Variants in POLE4 observed in about 807,000 individuals in gnomAD.
The protein encoded by POLE4 is DNA polymerase epsilon subunit 4.
In POLE4, 15 loss-of-function variants were observed where a neutral mutation model predicts 15.6. The observed-to-expected ratio is 0.96, with a 90% confidence interval of 0.64 to 1.48. The LOEUF (loss-of-function observed/expected upper bound fraction) is 1.48, where lower values mean the gene tolerates loss of function less well. Among genes scored for constraint, POLE4 ranks in the 40% most tolerant of loss-of-function variants. POLE4 has a pLI of 0.00. For synonymous variants in POLE4, 83 were observed against 63.2 expected (o/e 1.31, Z -1.49); for missense variants, 205 against 151.9 (o/e 1.35, Z -1.84).
intron 1 of POLE4, 73 bp downstream of exon 1, chr2:74,958,965 G>T (rs984894301): frequency 4.3e-6 from 6 of 1,405,002 alleles, no homozygotes; most frequent in Non-Finnish European, 5.8e-6. Flanking sequence ...GGCCTCCCGC[G>T]GGCGGGGCTT....
chr2:74,969,269 A>C (rs1671335165), intron 3 of POLE4, 140 bp from the exon 4 acceptor site: 1 of 784,688 alleles, frequency 1.3e-6, no homozygotes, highest in Non-Finnish European at 2.3e-6. Flanking sequence ...TTTTGGATGG[A>C]TCATCCTCAA....
At chr2:74,964,664 C>G (rs1032590315) in intron 3 of POLE4, among the ~76,000 whole-genome samples, 4 of 152,036 alleles carry the variant, frequency 2.6e-5, no homozygotes, top group African/African-American at 9.7e-5. Flanking sequence ...CAACTAGCAT[C>G]TTTCTTAGCT....
At chr2:74,961,618 C>T (rs1558827632) in intron 3 of POLE4, 1 of 152,172 alleles carries the variant, frequency 6.6e-6, no homozygotes, top group Admixed American at 6.5e-5. Context: ...CTGGAGGGTA[C>T]TAGGAATAGA....
chr2:74,962,275 C>T (rs1011614037), intron 3 of POLE4, among the ~76,000 whole-genome samples: 1 of 152,168 alleles, frequency 6.6e-6, no homozygotes, highest in African/African-American at 2.4e-5. Flanking sequence ...TATTCCTTGA[C>T]TCCCCAGTTT....
intron 2 of POLE4, 91 bp downstream of exon 2, chr2:74,959,516 A>G (rs751034765): frequency 1.6e-5 from 13 of 791,870 alleles, no homozygotes; most frequent in Non-Finnish European, 2.8e-5. Context: ...CTCTGATCTG[A>G]GAGGTGCCAC....
At chr2:74,959,667 C>T in intron 2 of POLE4, 1 of 445,152 alleles carries the variant, frequency 2.2e-6, no homozygotes, top group Non-Finnish European at 4.0e-6. Flanking sequence ...ATACCTTCTG[C>T]CAAATTGCAC....
intron 3 of POLE4, among the ~76,000 whole-genome samples, chr2:74,961,690 G>C (rs1558827664): frequency 6.6e-6 from 1 of 152,072 alleles, no homozygotes; most frequent in East Asian, 1.9e-4. Flanking sequence ...GCTTAGCTTG[G>C]ATTTTTAATA....
At chr2:74,958,934 G>C (rs527331564) in intron 1 of POLE4, 42 bp downstream of exon 1, 4 of 1,521,822 alleles carry the variant, frequency 2.6e-6, no homozygotes, top group South Asian at 2.4e-5. Context: ...GGGGGAGGTG[G>C]AGTGTGGGGC....
intron 3 of POLE4, among the ~76,000 whole-genome samples, chr2:74,962,680 C>T (rs996998925): frequency 1.3e-5 from 2 of 152,168 alleles, no homozygotes; most frequent in African/African-American, 4.8e-5. Context: ...TGAACACTCT[C>T]GTAACCACCA....
intron 3 of POLE4, among the ~76,000 whole-genome samples, chr2:74,962,406 A>G (rs1671234140): frequency 6.6e-6 from 1 of 152,160 alleles, no homozygotes; most frequent in Admixed American, 6.5e-5. Context: ...TCTTATCACA[A>G]TTAAATCTTC....
chr2:74,966,132 C>A (rs1362725754), intron 3 of POLE4, among the ~76,000 whole-genome samples: 1 of 149,818 alleles, frequency 6.7e-6, no homozygotes, highest in Non-Finnish European at 1.5e-5. Context: ...GTTATATGCT[C>A]TATTTCTATT....
At chr2:74,964,172 G>T (rs12327957) in intron 3 of POLE4, among the ~76,000 whole-genome samples, 60,411 of 151,872 alleles carry the variant, frequency 0.4, 12,392 homozygotes, top group Middle Eastern at 0.63. Context: ...TGGCCTTTCT[G>T]TTCTCTTCCA....
At chr2:74,961,025 C>G (rs1333793711) in intron 3 of POLE4, 2 of 158,624 alleles carry the variant, frequency 1.3e-5, no homozygotes, top group Non-Finnish European at 2.8e-5. Flanking sequence ...TACCATCTAG[C>G]TTTGTGTAAG....
rs1671341883 is a variant in POLE4 at position 74,969,545 on chromosome 2, C to T, written c.*123C>T. On this transcript the variant is annotated 3_prime_UTR_variant, in exon 4 of 4. Transcript: ENST00000483063. ...ACACACTCTTCCTGTTCTGCCTTCA[C>T]CTATGCCGGGATAAGCAGAGATCTC... 5.6e-6 allele frequency: 5 copies of T among 885,558 alleles called. No individual in the cohort carries two copies. The highest frequency in any genetic ancestry group is 1.7e-5 in the Admixed American group (1 of 58,490). The allele number at this position is 885,558 out of a possible 1,614,324, so 54.9% of individuals were successfully genotyped here.
At chr2:74,967,596 A>G (rs1206318944) in intron 3 of POLE4, among the ~76,000 whole-genome samples, 1 of 152,162 alleles carries the variant, frequency 6.6e-6, no homozygotes, top group Non-Finnish European at 1.5e-5. Flanking sequence ...GTCTGTGCCG[A>G]ATCTAACATC....
chr2:74,968,729 C>T (rs1418719549), intron 3 of POLE4, among the ~76,000 whole-genome samples: 1 of 151,272 alleles, frequency 6.6e-6, no homozygotes, highest in Non-Finnish European at 1.5e-5. Context: ...TCATACAGAC[C>T]CTCTGGTCAT....
Position 74,969,588 on chromosome 2 carries a change from T to C in POLE4, c.*166T>C. On this transcript the variant is annotated 3_prime_UTR_variant, in exon 4 of 4. Transcript: ENST00000483063. ...GAGATCTCATCAATTAGCTCTTCTC[T>C]GCAAGGTCTTCCACTATTTCTGTCT... 1.4e-6 allele frequency: 1 copy of C among 712,674 alleles called. No individual in the cohort carries two copies. Among genetic ancestry groups the C allele is most frequent in the Non-Finnish European group, 2.6e-6 (1 of 392,052 alleles). 44.1% of individuals were successfully genotyped at this position (712,674 alleles called of 1,614,324 possible). A position where few individuals can be genotyped will look rare whatever the true frequency, so the allele number is the denominator to read the frequency against.
intron 3 of POLE4, among the ~76,000 whole-genome samples, chr2:74,967,187 C>G (rs1034891236): frequency 4.6e-5 from 7 of 152,116 alleles, no homozygotes; most frequent in Admixed American, 1.3e-4. Context: ...TCCTGTGTCT[C>G]TCTCTGGGAT....
chr2:74,961,212 A>G (rs1671216291), intron 3 of POLE4: 1 of 152,186 alleles, frequency 6.6e-6, no homozygotes. Flanking sequence ...TTACCTTTAG[A>G]AATATCTTGA....
Sources: gnomAD v4.1 joint callset for allele counts (sites outside exome capture counted in the v4.1 genomes callset) on GRCh38, gnomAD v4.1.1 for gene constraint, MANE v1.5 for transcripts, NCBI Gene and HGNC (gene_info 2026-07-23, HGNC 2026-07-21) for gene names.